STARD13: variants seen among roughly 807,000 people sequenced by gnomAD.
STARD13 encodes the protein StAR related lipid transfer domain containing 13, also known as stAR-related lipid transfer protein 13.
STARD13 carries 62 observed loss-of-function variants against 106.4 expected under a neutral mutation model. That is an observed-to-expected ratio of 0.58 (90% confidence interval 0.48 to 0.72). STARD13 has a LOEUF of 0.72. STARD13 is among the 30% of genes least tolerant of loss of function. STARD13 has a pLI of 0.00. For missense variants in STARD13, 1,387 were observed against 1,424.0 expected (o/e 0.97, Z 0.42); for synonymous variants, 565 against 553.0 (o/e 1.02, Z -0.31).
At chr13:33,662,892 C>T in the STARD13 span, among the ~76,000 whole-genome samples, 23 of 152,218 alleles carry the variant, frequency 1.5e-4, no homozygotes, top group African/African-American at 5.5e-4. Context: ...ATTTGGTTTC[C>T]ATAGCAGTAA....
At chr13:33,209,270 G>A (rs1375833470) in intron 1 of STARD13, among the ~76,000 whole-genome samples, 2 of 152,194 alleles carry the variant, frequency 1.3e-5, no homozygotes, top group Non-Finnish European at 2.9e-5. Context: ...AAAGGTGCCA[G>A]AAATCTGCCT....
At chr13:33,195,736 G>A (rs114300066) in intron 1 of STARD13, among the ~76,000 whole-genome samples, 1,819 of 152,186 alleles carry the variant, frequency 0.012, 36 homozygotes, top group African/African-American at 0.042. Context: ...GAAGGAAGGC[G>A]GTAAGAAGGA....
intron 1 of STARD13, among the ~76,000 whole-genome samples, chr13:33,313,211 T>C (rs929632434): frequency 2.0e-5 from 3 of 152,212 alleles, no homozygotes; most frequent in African/African-American, 2.4e-5. Context: ...GCTGTAGATA[T>C]CTGCTTTTAG....
Position 33,153,461 on chromosome 13 carries a change from G to C in STARD13, c.324-11088C>G, listed in dbSNP as rs183425002. 5.9e-3 allele frequency among the ~76,000 whole-genome samples: 894 copies of C among 152,252 alleles called. 13 individuals carry two copies. Among genetic ancestry groups the C allele is most frequent in the African/African-American group, 0.02 (843 of 41,546 alleles). ...GACCAGGAAGAAGGACCAGAGAAAC[G>C]CTGGGCGACTGTGTGCCGGGAGGGA... On this transcript the variant is annotated intron_variant, in intron 3 of 13. Coordinates refer to ENST00000336934, the MANE Select transcript of STARD13 (RefSeq NM_178006.4).
the STARD13 span, among the ~76,000 whole-genome samples, chr13:33,573,339 G>A: frequency 4.6e-5 from 7 of 152,090 alleles, no homozygotes; most frequent in African/African-American, 7.2e-5. Flanking sequence ...ATCTGATATC[G>A]TACATACCAA....
chr13:33,557,732 C>G, the STARD13 span, among the ~76,000 whole-genome samples: 98 of 152,258 alleles, frequency 6.4e-4, no homozygotes, highest in South Asian at 7.7e-3. Context: ...TTAATCCTTT[C>G]TCTTCCACTC....
At chr13:33,405,727 C>G in the STARD13 span, among the ~76,000 whole-genome samples, 855 of 152,330 alleles carry the variant, frequency 5.6e-3, 2 homozygotes, top group Non-Finnish European at 8.3e-3. Context: ...GCATAGCCCA[C>G]CCAGCAAGGT....
chr13:33,550,839 C>T, the STARD13 span, among the ~76,000 whole-genome samples: 1 of 152,194 alleles, frequency 6.6e-6, no homozygotes, highest in South Asian at 2.1e-4. Flanking sequence ...TCATCACTTT[C>T]AGCATAGAAC....
chr13:33,644,138 T>A, the STARD13 span, among the ~76,000 whole-genome samples: 2 of 152,182 alleles, frequency 1.3e-5, no homozygotes, highest in African/African-American at 4.8e-5. Flanking sequence ...GGACCACCCA[T>A]GTGCAAAACA....
the STARD13 span, among the ~76,000 whole-genome samples, chr13:33,616,128 G>A: frequency 1.3e-5 from 2 of 151,268 alleles, no homozygotes; most frequent in Non-Finnish European, 2.9e-5. Flanking sequence ...AAGGAGGAAA[G>A]GAAGGAAGAC....
chr13:33,580,059 G>C, the STARD13 span, among the ~76,000 whole-genome samples: 3 of 151,980 alleles, frequency 2.0e-5, no homozygotes, highest in Admixed American at 2.0e-4. Context: ...TGCACTCCTT[G>C]GTATTAACCC....
intron 8 of STARD13, chr13:33,117,581 C>T: frequency 1.0e-6 from 1 of 972,550 alleles, no homozygotes; most frequent in Non-Finnish European, 1.2e-6. Flanking sequence ...AAGCTTAAGA[C>T]TTGATTTGGT....
intron 1 of STARD13, among the ~76,000 whole-genome samples, chr13:33,325,983 TAAAAAAAAAAAAA>T (rs59403273): frequency 4.2e-5 from 4 of 96,210 alleles, no homozygotes; most frequent in Admixed American, 4.1e-4. Context: ...AGACTCCGTT[TAAAAAAAAAAAAA>T]AAAAAAAAAA....
chr13:33,236,497 G>C (rs1024213630), intron 1 of STARD13, among the ~76,000 whole-genome samples: 2 of 152,216 alleles, frequency 1.3e-5, no homozygotes, highest in Admixed American at 1.3e-4. Context: ...TTAAGCCTTT[G>C]TACATATGCA....
chr13:33,138,030 T>C (rs1019829089), intron 4 of STARD13, among the ~76,000 whole-genome samples: 1 of 152,250 alleles, frequency 6.6e-6, no homozygotes, highest in African/African-American at 2.4e-5. Flanking sequence ...CAATTAGTCA[T>C]GGTTTCTGTG....
At chr13:33,625,805 G>A in the STARD13 span, among the ~76,000 whole-genome samples, 25 of 151,652 alleles carry the variant, frequency 1.6e-4, no homozygotes, top group African/African-American at 5.6e-4. Context: ...AGGTTCAAGC[G>A]ATTCTCCTGC....
At chr13:33,174,721 T>G (rs1884331656) in intron 1 of STARD13, among the ~76,000 whole-genome samples, 1 of 152,212 alleles carries the variant, frequency 6.6e-6, no homozygotes, top group South Asian at 2.1e-4. Context: ...GTAACACAGC[T>G]GCCAGCTATT....
intron 1 of STARD13, among the ~76,000 whole-genome samples, chr13:33,239,541 T>C (rs528320820): frequency 6.6e-6 from 1 of 152,276 alleles, no homozygotes; most frequent in East Asian, 1.9e-4. Context: ...CCAAGACTTC[T>C]TGTTTTGTTG....
At chr13:33,152,265 G>A (rs1203587751) in intron 3 of STARD13, among the ~76,000 whole-genome samples, 1 of 152,176 alleles carries the variant, frequency 6.6e-6, no homozygotes, top group Non-Finnish European at 1.5e-5. Flanking sequence ...GCTGAAGATG[G>A]TGTCCTAGGA....
Sources: allele counts gnomAD v4.1 joint callset (sites outside exome capture counted in the v4.1 genomes callset), GRCh38; gene constraint gnomAD v4.1.1; transcripts MANE v1.5; gene names NCBI Gene and HGNC (gene_info 2026-07-23, HGNC 2026-07-21).